The following SYNE1 variants were observed in gnomAD, a reference collection of about 807,000 sequenced individuals.
SYNE1 encodes spectrin repeat containing nuclear envelope protein 1.
SYNE1 carries 616 observed loss-of-function variants against 1,111.0 expected under a neutral mutation model. The observed-to-expected ratio is 0.55, with a 90% confidence interval of 0.52 to 0.59. The LOEUF is 0.59. Ranked by LOEUF, SYNE1 falls within the 20% of genes least tolerant of loss-of-function variation. The pLI is 0.00. For missense variants in SYNE1, 10,006 were observed against 10,417.0 expected (o/e 0.96, Z 1.72); for synonymous variants, 3,855 against 3,825.8 (o/e 1.01, Z -0.28).
In SYNE1 at chr6:152,301,905, G is replaced by A. The variant is rs148731167; in HGVS notation, c.17505C>T (p.Leu5835=). The change falls in exon 92 of 146, where the codon CTC becomes CTT. Residue 5835 remains leucine (L), a synonymous_variant. Coordinates refer to ENST00000367255, the MANE Select transcript of SYNE1 (RefSeq NM_182961.4). The part of the protein sequence containing the change: ...AEGTEDLDGE[L]LPTPSAHPSV... ...AGGGGTGGGCCGAAGGCGTGGGGAG[G>A]AGCTCCCCATCCAGGTCCTCTGTCC... is the stretch of plus-strand genomic sequence containing the variant. The A allele has an allele frequency of 3.4e-4, 547 of 1,613,810 alleles. 3 individuals are homozygous for A. The highest frequency in any genetic ancestry group is 5.1e-5 in the Non-Finnish European group (60 of 1,179,890).
Position 152,455,952 on chromosome 6 carries a change from G to A in SYNE1, c.2661C>T (p.Asn887=), listed in dbSNP as rs780865643. The part of the protein sequence containing the change: ...QSVQKFVTLS[N]VLKHFDQTRL... ...TCGTCTGATCAAAATGCTTTAACAC[G>A]TTGCTCAAGGTCACAAACTTTTGAA... is the stretch of plus-strand genomic sequence containing the variant. Residue 887 remains asparagine, a synonymous_variant, in exon 23 of 146, where the codon AAC becomes AAT. Coordinates refer to ENST00000367255, the MANE Select transcript of SYNE1 (RefSeq NM_182961.4). The A allele has an allele frequency of 6.8e-6, 11 of 1,613,938 alleles. No homozygotes were observed. The highest frequency in any genetic ancestry group is 5.3e-5 in the African/African-American group (4 of 74,902).
chr6:152,414,779 G>A (rs927103600), intron 41 of SYNE1, among the ~76,000 whole-genome samples: 2 of 152,084 alleles, frequency 1.3e-5, no homozygotes, highest in Non-Finnish European at 2.9e-5. Context: ...GGTCTAAGAA[G>A]GCCATGACAC....
At chr6:152,565,376 C>T (rs938506741) in intron 3 of SYNE1, among the ~76,000 whole-genome samples, 4 of 152,128 alleles carry the variant, frequency 2.6e-5, no homozygotes, top group Admixed American at 6.5e-5. Flanking sequence ...AGTATTCATT[C>T]CTAAGGGCTA....
chr6:152,466,004 C>T lies in SYNE1; in HGVS notation c.1707G>A (p.Met569Ile), dbSNP rs2098764358. 1.2e-6 allele frequency: 2 copies of T among 1,612,730 alleles called. No homozygotes were observed. Among genetic ancestry groups the T allele is most frequent in the Non-Finnish European group, 1.7e-6 (2 of 1,179,008 alleles). The stretch of plus-strand genomic sequence containing the variant: ...TACCTGAACCATCTGCTTTGACATA[C>T]ATCTCAGCTGTCTGTTTCAAGATCT... ...TYQILKQTAE[M>I]YVKADGSVEE... is the part of the protein sequence containing the mutation. The change falls in exon 17 of 146, where the codon ATG becomes ATA. Residue 569 changes from methionine to isoleucine, a missense_variant. Physicochemically the swap from Met to Ile is conservative, Grantham distance 10. Coordinates refer to ENST00000367255, the MANE Select transcript of SYNE1 (RefSeq NM_182961.4).
chr6:152,201,886 T>C lies in SYNE1; in HGVS notation c.23083A>G (p.Lys7695Glu), dbSNP rs781074285. The C allele has an allele frequency of 5.0e-6, 8 of 1,613,980 alleles. No homozygotes were observed. The highest frequency in any genetic ancestry group is 6.8e-6 in the Non-Finnish European group (8 of 1,179,852). Residue 7695 changes from lysine (K) to glutamate (E), a missense_variant, in exon 127 of 146, where the codon AAG becomes GAG. By Grantham distance (56) the Lys-to-Glu change is moderately conservative. Coordinates refer to ENST00000367255, the MANE Select transcript of SYNE1 (RefSeq NM_182961.4). Reference sequence around the variant, plus strand: ...TGATCCGGGAGAGACTGCGAAAGCTTCTTTTTGAAAGTTCGTAGTTTCTCC... The same window carrying C: ...TGATCCGGGAGAGACTGCGAAAGCTCCTTTTTGAAAGTTCGTAGTTTCTCC... ...SLEKLRTFKK[K>E]LSQSLPDHHE...
intron 22 of SYNE1, among the ~76,000 whole-genome samples, chr6:152,456,310 T>C (rs2098695683): frequency 6.6e-6 from 1 of 152,086 alleles, no homozygotes; most frequent in Non-Finnish European, 1.5e-5. Context: ...ATGTACATTT[T>C]ATTGTCATTA....
chr6:152,255,627 T>G lies in SYNE1; in HGVS notation c.19224A>C (p.Leu6408Phe), dbSNP rs200562368. 6.2e-7 allele frequency: 1 copy of G among 1,614,180 alleles called. No individual in the cohort carries two copies. The highest frequency in any genetic ancestry group is 2.2e-5 in the East Asian group (1 of 44,880). Residue 6408 changes from leucine to phenylalanine, a missense_variant, in exon 103 of 146, where the codon TTA (leucine) becomes TTC (phenylalanine). Leu to Phe is a conservative substitution (Grantham distance 22). Around this residue, in one of 7 missense-constraint regions of SYNE1, gnomAD observed 2,182 missense variants for 2,287.8 expected, o/e 0.95. Coordinates refer to ENST00000367255, the MANE Select transcript of SYNE1 (RefSeq NM_182961.4). The stretch of plus-strand genomic sequence containing the variant: ...AGAGACAAGTCTCTGTTTCTTCTGG[T>G]AAAAGTGCTGTGGCAACAAATAAAC... The part of the protein sequence containing the change: ...EERLFVATAL[L>F]PEETETCLFN...
chr6:152,497,197 C>A (rs991670879), intron 11 of SYNE1, among the ~76,000 whole-genome samples: 1 of 152,156 alleles, frequency 6.6e-6, no homozygotes, highest in Non-Finnish European at 1.5e-5. Flanking sequence ...TAATCTCCAT[C>A]ATCTAACACA....
At chr6:152,409,373 A>G in intron 43 of SYNE1, 147 bp from the exon 44 acceptor site, 2 of 1,064,732 alleles carry the variant, frequency 1.9e-6, no homozygotes, top group Admixed American at 2.4e-5. Context: ...AATATATATA[A>G]CACCATTTTC....
intron 127 of SYNE1, among the ~76,000 whole-genome samples, chr6:152,195,933 C>T (rs966057785): frequency 2.0e-5 from 3 of 152,182 alleles, no homozygotes; most frequent in African/African-American, 7.2e-5. Context: ...AGTTGGAAAC[C>T]TTAGAAATCT....
At chr6:152,328,371 CTTATT>C (rs200860426) in intron 78 of SYNE1, among the ~76,000 whole-genome samples, 23 of 142,774 alleles carry the variant, frequency 1.6e-4, no homozygotes, top group African/African-American at 4.8e-4. Context: ...TTTTTCTCTT[CTTATT>C]TTATTTTATT....
intron 36 of SYNE1, among the ~76,000 whole-genome samples, chr6:152,428,596 A>C (rs1056096435): frequency 6.6e-6 from 1 of 152,200 alleles, no homozygotes; most frequent in African/African-American, 2.4e-5. Context: ...GGTTACAATA[A>C]TCTATCCTAT....
intron 51 of SYNE1, among the ~76,000 whole-genome samples, chr6:152,393,021 C>G (rs1007723202): frequency 2.0e-5 from 3 of 152,110 alleles, no homozygotes; most frequent in Non-Finnish European, 4.4e-5. Flanking sequence ...ATGAGCAGAA[C>G]AGTGTGTTAG....
intron 104 of SYNE1, among the ~76,000 whole-genome samples, chr6:152,252,976 C>T (rs987175277): frequency 2.0e-5 from 3 of 152,072 alleles, no homozygotes; most frequent in Admixed American, 1.3e-4. Context: ...ATGCAATTCA[C>T]AAAAGATATG....
intron 3 of SYNE1, among the ~76,000 whole-genome samples, chr6:152,562,519 C>T (rs183692868): frequency 3.9e-5 from 6 of 152,190 alleles, no homozygotes; most frequent in Admixed American, 2.0e-4. Flanking sequence ...ATAGAAGTAC[C>T]ATATGATCCA....
At chr6:152,462,667 T>C (rs1564207843) in intron 20 of SYNE1, 71 bp downstream of exon 20, 1 of 1,591,250 alleles carries the variant, frequency 6.3e-7, no homozygotes, top group South Asian at 1.1e-5. Flanking sequence ...TTTGCAATGA[T>C]CTGAATAAAC....
chr6:152,462,979 A>C (rs1309800451), intron 19 of SYNE1, 89 bp from the exon 20 acceptor site: 1 of 1,476,614 alleles, frequency 6.8e-7, no homozygotes, highest in African/African-American at 1.4e-5. Context: ...TATTCGCTGG[A>C]ATTGTTATCC....
At position 152,502,699 on chromosome 6, in the gene SYNE1, A is replaced by G. The variant is rs763258148; in HGVS notation, c.822T>C (p.Tyr274=). The G allele has an allele frequency of 3.2e-5, 52 of 1,613,806 alleles. No individual in the cohort carries two copies. The South Asian group carries it at 5.6e-4, about 17-fold the overall frequency. Reference sequence around the variant, plus strand: ...GATAATGTTTCAGAAACTGGGCTACATAGGTCATAATAGATTTCTCATCTG... The same window carrying G: ...GATAATGTTTCAGAAACTGGGCTACGTAGGTCATAATAGATTTCTCATCTG... The part of the protein sequence containing the change: ...DKPDEKSIMT[Y]VAQFLKHYPD... The change falls in exon 10 of 146, where the codon TAT becomes TAC. Residue 274 remains tyrosine (Y), a synonymous_variant. Transcript: ENST00000367255.
At chr6:152,422,818 C>A (rs1394176865) in intron 39 of SYNE1, among the ~76,000 whole-genome samples, 1 of 152,226 alleles carries the variant, frequency 6.6e-6, no homozygotes. Flanking sequence ...CTCTATCAAA[C>A]AAACTTTAAC....
Sources: gnomAD v4.1 joint callset for allele counts (sites outside exome capture counted in the v4.1 genomes callset) on GRCh38, gnomAD v4.1.1 for gene constraint, gnomAD v4.1.1 regional missense constraint, MANE v1.5 for transcripts, NCBI Gene and HGNC (gene_info 2026-07-23, HGNC 2026-07-21) for gene names.